GALNTL6: variants seen among roughly 807,000 people sequenced by gnomAD.
GALNTL6 encodes polypeptide N-acetylgalactosaminyltransferase-like 6.
Under a neutral mutation model 73.7 loss-of-function variants are expected in GALNTL6, and 46 were observed. That is an observed-to-expected ratio of 0.62 (90% CI 0.49 to 0.80). GALNTL6 has a LOEUF of 0.80. Ranked by LOEUF, GALNTL6 falls within the 30% of genes least tolerant of loss-of-function variation. The pLI is 0.00. For missense variants in GALNTL6, 604 were observed against 755.0 expected (o/e 0.80, Z 2.34); for synonymous variants, 259 against 263.7 (o/e 0.98, Z 0.17).
intron 2 of GALNTL6, among the ~76,000 whole-genome samples, chr4:171,998,642 T>C (rs895023161): frequency 6.6e-6 from 1 of 151,650 alleles, no homozygotes; most frequent in Non-Finnish European, 1.5e-5. Context: ...TTATTTGTTG[T>C]TGCAATATTA....
chr4:172,762,484 T>C (rs533130062), intron 5 of GALNTL6, among the ~76,000 whole-genome samples: 45 of 151,366 alleles, frequency 3.0e-4, no homozygotes, highest in Non-Finnish European at 5.9e-4. Context: ...TGAAACTACA[T>C]GAGATTGCCC....
At chr4:171,881,080 T>A (rs578029261) in intron 2 of GALNTL6, among the ~76,000 whole-genome samples, 1 of 152,130 alleles carries the variant, frequency 6.6e-6, no homozygotes, top group African/African-American at 2.4e-5. Flanking sequence ...TTGTGAACAA[T>A]CTCTATCCCT....
In GALNTL6 at chr4:172,082,551, T is replaced by C. The variant is rs1731910454; in HGVS notation, c.139-147105T>C. 2.0e-5 allele frequency among the ~76,000 whole-genome samples: 3 copies of C among 152,102 alleles called. No homozygotes were observed. The East Asian group carries it at 5.8e-4, about 30-fold the overall frequency. On this transcript the variant is annotated intron_variant, in intron 2 of 12. Transcript: ENST00000506823. ...ATAACTGTATAGGGGAGAATGTACC[T>C]GCCAAGGAGAAAGACAATGAACATT...
intron 2 of GALNTL6, among the ~76,000 whole-genome samples, chr4:171,983,425 G>C (rs1412614895): frequency 6.6e-6 from 1 of 152,032 alleles, no homozygotes; most frequent in African/African-American, 2.4e-5. Context: ...AATGTGGAAG[G>C]ATGCTCTGCA....
At chr4:172,440,486 G>A (rs1295316213) in intron 5 of GALNTL6, among the ~76,000 whole-genome samples, 1 of 152,090 alleles carries the variant, frequency 6.6e-6, no homozygotes, top group Non-Finnish European at 1.5e-5. Flanking sequence ...GGGGTATTGG[G>A]AGGGTTGACT....
chr4:172,216,561 T>C (rs143069722), intron 2 of GALNTL6, among the ~76,000 whole-genome samples: 322 of 152,300 alleles, frequency 2.1e-3, no homozygotes, highest in Non-Finnish European at 3.8e-3. Flanking sequence ...TTGTTCTGAT[T>C]GGTATTCTCT....
At chr4:172,136,846 A>G (rs1733650576) in intron 2 of GALNTL6, among the ~76,000 whole-genome samples, 1 of 152,060 alleles carries the variant, frequency 6.6e-6, no homozygotes, top group African/African-American at 2.4e-5. Flanking sequence ...AACCATGCAA[A>G]GAAAGAGTCA....
At chr4:172,345,694 G>T (rs1741716716) in intron 4 of GALNTL6, among the ~76,000 whole-genome samples, 1 of 152,136 alleles carries the variant, frequency 6.6e-6, no homozygotes, top group Admixed American at 6.6e-5. Context: ...CTAAGTTTAG[G>T]TTCCTCTAGA....
chr4:171,994,476 C>T (rs180782027), intron 2 of GALNTL6, among the ~76,000 whole-genome samples: 1 of 151,954 alleles, frequency 6.6e-6, no homozygotes, highest in African/African-American at 2.4e-5. Flanking sequence ...TTAAAAAACA[C>T]TTATTGCTTA....
At chr4:171,855,184 T>G (rs573721804) in intron 2 of GALNTL6, among the ~76,000 whole-genome samples, 1 of 152,346 alleles carries the variant, frequency 6.6e-6, no homozygotes, top group East Asian at 1.9e-4. Context: ...CTATGGGTTT[T>G]GGAAGATATA....
At chr4:172,612,193 G>A (rs1482029026) in intron 5 of GALNTL6, among the ~76,000 whole-genome samples, 1 of 151,990 alleles carries the variant, frequency 6.6e-6, no homozygotes. Flanking sequence ...GTTGGGGGTG[G>A]GGTATCCAAA....
At chr4:173,028,960 C>T in intron 12 of GALNTL6, among the ~76,000 whole-genome samples, 1 of 152,146 alleles carries the variant, frequency 6.6e-6, no homozygotes, top group East Asian at 1.9e-4. Flanking sequence ...GAATTTTTGG[C>T]ATCTGCCTAC....
At chr4:172,376,737 T>C (rs936011436) in intron 5 of GALNTL6, among the ~76,000 whole-genome samples, 2 of 152,202 alleles carry the variant, frequency 1.3e-5, no homozygotes, top group African/African-American at 2.4e-5. Flanking sequence ...CGCTTGGCGA[T>C]AGGCAATAGT....
chr4:172,064,500 G>A (rs1456850350), intron 2 of GALNTL6, among the ~76,000 whole-genome samples: 1 of 152,200 alleles, frequency 6.6e-6, no homozygotes, highest in Non-Finnish European at 1.5e-5. Flanking sequence ...GACGTGGGAG[G>A]CAGGAGGAGG....
intron 10 of GALNTL6, among the ~76,000 whole-genome samples, chr4:172,964,769 A>T (rs544985296): frequency 6.6e-6 from 1 of 152,346 alleles, no homozygotes; most frequent in Non-Finnish European, 1.5e-5. Context: ...CTCAAAGACC[A>T]TCTGAGGATG....
intron 5 of GALNTL6, among the ~76,000 whole-genome samples, chr4:172,356,315 G>A (rs979444148): frequency 4.7e-4 from 71 of 152,154 alleles, no homozygotes; most frequent in African/African-American, 1.6e-3. Flanking sequence ...GAAATAAAAG[G>A]TTATGTTTTA....
chr4:171,986,375 G>T (rs1740086019), intron 2 of GALNTL6, among the ~76,000 whole-genome samples: 1 of 152,174 alleles, frequency 6.6e-6, no homozygotes, highest in Non-Finnish European at 1.5e-5. Context: ...ACAAGACAAT[G>T]TCATCAGTTA....
chr4:172,924,130 T>A (rs995098023), intron 8 of GALNTL6, among the ~76,000 whole-genome samples: 2 of 152,008 alleles, frequency 1.3e-5, no homozygotes, highest in Non-Finnish European at 2.9e-5. Context: ...AAATCCAACA[T>A]CATAAAAACC....
intron 5 of GALNTL6, among the ~76,000 whole-genome samples, chr4:172,741,049 GTTATA>G (rs1256954754): frequency 1.3e-5 from 2 of 152,110 alleles, no homozygotes; most frequent in Non-Finnish European, 2.9e-5. Context: ...ATTTGTGATA[GTTATA>G]TTGTATAAAA....
Sources: gnomAD v4.1 joint callset for allele counts (sites outside exome capture counted in the v4.1 genomes callset) on GRCh38, gnomAD v4.1.1 for gene constraint, MANE v1.5 for transcripts, NCBI Gene and HGNC (gene_info 2026-07-23, HGNC 2026-07-21) for gene names.